The following DYNC1I2 variants were observed in gnomAD, a reference collection of about 807,000 sequenced individuals.
DYNC1I2 encodes dynein cytoplasmic 1 intermediate chain 2.
DYNC1I2 carries 53 observed loss-of-function variants against 88.6 expected under a neutral mutation model. The observed-to-expected ratio is 0.60, with a 90% CI of 0.48 to 0.75. DYNC1I2 has a LOEUF of 0.75. DYNC1I2 is among the 30% of genes least tolerant of loss of function. The probability of loss-of-function intolerance (pLI) is 0.00; values close to 1 mark genes in which losing one functional copy is unlikely to be tolerated. For missense variants in DYNC1I2, 458 were observed against 766.6 expected (o/e 0.60, Z 4.75); for synonymous variants, 198 against 254.6 (o/e 0.78, Z 2.12).
intron 15 of DYNC1I2, among the ~76,000 whole-genome samples, chr2:171,732,586 T>C (rs1688695192): frequency 6.6e-6 from 1 of 152,204 alleles, no homozygotes; most frequent in Non-Finnish European, 1.5e-5. Flanking sequence ...CTATAAATGA[T>C]GTTAAGTGAG....
intron 3 of DYNC1I2, among the ~76,000 whole-genome samples, chr2:171,700,241 C>T (rs1055738545): frequency 6.6e-6 from 1 of 152,104 alleles, no homozygotes; most frequent in Admixed American, 6.5e-5. Context: ...ACTTGAGTAT[C>T]CTGGTAGCAT....
chr2:171,714,252 C>T (rs983410106), intron 6 of DYNC1I2, among the ~76,000 whole-genome samples: 1 of 146,430 alleles, frequency 6.8e-6, no homozygotes, highest in Admixed American at 6.7e-5. Context: ...TGTTATGGCC[C>T]ACATTTTGGA....
chr2:171,726,344 T>C (rs1235731126), intron 10 of DYNC1I2, 51 bp downstream of exon 10: 11 of 1,224,060 alleles, frequency 9.0e-6, no homozygotes, highest in Non-Finnish European at 1.3e-5. Flanking sequence ...AAATTATAAT[T>C]AGCAGGTCAT....
chr2:171,700,967 T>C (rs1686212142), intron 3 of DYNC1I2, among the ~76,000 whole-genome samples: 1 of 152,156 alleles, frequency 6.6e-6, no homozygotes, highest in Non-Finnish European at 1.5e-5. Flanking sequence ...TAGGTGACTC[T>C]GATTTTTGAG....
chr2:171,719,035 T>G (rs1446953903), intron 7 of DYNC1I2, among the ~76,000 whole-genome samples: 1 of 152,188 alleles, frequency 6.6e-6, no homozygotes, highest in Non-Finnish European at 1.5e-5. Context: ...TAACCTATAG[T>G]AAGTAGTTTA....
intron 16 of DYNC1I2, among the ~76,000 whole-genome samples, chr2:171,744,462 C>A (rs1689654376): frequency 6.6e-6 from 1 of 152,188 alleles, no homozygotes; most frequent in Non-Finnish European, 1.5e-5. Context: ...AAGTCTCATT[C>A]ATAAGATAAC....
At chr2:171,717,519 C>T (rs1459214547) in intron 7 of DYNC1I2, among the ~76,000 whole-genome samples, 1 of 152,056 alleles carries the variant, frequency 6.6e-6, no homozygotes, top group Non-Finnish European at 1.5e-5. Flanking sequence ...GATGCAAGAT[C>T]CTCATCCTAA....
intron 17 of DYNC1I2, 102 bp downstream of exon 17, chr2:171,746,029 T>A: frequency 7.9e-7 from 1 of 1,271,488 alleles, no homozygotes; most frequent in South Asian, 1.5e-5. Context: ...ATGAGTTGTT[T>A]AAACTATATG....
chr2:171,725,597 TG>T lies in DYNC1I2; in HGVS notation c.512-20del, dbSNP rs376568967. The stretch of plus-strand genomic sequence containing the variant: ...CATTCTGTTTTTTTGTTTTTTTGTT[TG>T]TTTTTTTTTTTTTTTTCAGATGAAG... On this transcript the variant is annotated intron_variant, in intron 7 of 17. Transcript: ENST00000397119. 5.0e-5 allele frequency: 64 copies of T among 1,286,780 alleles called. No homozygotes were observed. The Middle Eastern group carries it at 8.2e-4, about 17-fold the overall frequency. The allele number at this position is 1,286,780 out of a possible 1,614,324, so 79.7% of individuals were successfully genotyped here. A position where few individuals can be genotyped will look rare whatever the true frequency, so the allele number is the denominator to read the frequency against.
At chr2:171,707,601 A>G (rs1686785216) in intron 5 of DYNC1I2, among the ~76,000 whole-genome samples, 1 of 152,184 alleles carries the variant, frequency 6.6e-6, no homozygotes, top group Non-Finnish European at 1.5e-5. Flanking sequence ...TTAGTACTAA[A>G]TAGTCAACCG....
rs200748022 is a variant in DYNC1I2, at chr2:171,729,329, TA to T, written c.1392-371del. Among the ~76,000 whole-genome samples, 3 of 151,738 alleles carry T rather than the reference TA, an allele frequency of 2.0e-5. No homozygotes were observed. The South Asian group carries it at 6.2e-4, about 32-fold the overall frequency. On this transcript the variant is annotated intron_variant, in intron 14 of 17. Coordinates refer to ENST00000397119, the MANE Select transcript of DYNC1I2 (RefSeq NM_001378.3). ...GTCTAGCTGTACCTTATTGCTTCCT[TA>T]AAAAAAAATTGAGTGTCCAGATTTC...
intron 15 of DYNC1I2, among the ~76,000 whole-genome samples, chr2:171,739,282 T>C (rs1241523668): frequency 1.3e-5 from 2 of 152,164 alleles, no homozygotes; most frequent in African/African-American, 4.8e-5. Context: ...TTTTGGCTAT[T>C]AAAATGATCA....
intron 16 of DYNC1I2, 58 bp downstream of exon 16, chr2:171,744,247 A>G: frequency 6.6e-7 from 1 of 1,515,204 alleles, no homozygotes; most frequent in South Asian, 1.3e-5. Flanking sequence ...TATTTATTGA[A>G]TAATTTGTGA....
chr2:171,706,828 A>G, intron 4 of DYNC1I2: 1 of 435,130 alleles, frequency 2.3e-6, no homozygotes, highest in Non-Finnish European at 4.0e-6. Context: ...TTAATATTTT[A>G]AAATAAATCT....
intron 3 of DYNC1I2, among the ~76,000 whole-genome samples, chr2:171,704,252 A>G (rs1199167277): frequency 6.6e-6 from 1 of 151,258 alleles, no homozygotes; most frequent in Non-Finnish European, 1.5e-5. Flanking sequence ...GGCTTTCTTG[A>G]TTGCCTTTTT....
Position 171,728,786 on chromosome 2 carries a change from G to A in DYNC1I2, c.1327G>A (p.Asp443Asn). The change falls in exon 14 of 18, where the codon GAT becomes AAT. Residue 443 changes from aspartate (D) to asparagine (N), a missense_variant. Physicochemically the swap from Asp to Asn is conservative, Grantham distance 23. This residue lies in a region of DYNC1I2 where 188 missense variants were observed against 300.4 expected (regional missense o/e 0.63). Coordinates refer to ENST00000397119, the MANE Select transcript of DYNC1I2 (RefSeq NM_001378.3). ...AVTSMSFPVG[D>N]VNNFVVGSEE... ...GACATCTATGTCCTTCCCTGTTGGA[G>A]ATGTCAACAACTTTGTTGTTGGGAG... The A allele has an allele frequency of 6.2e-7, 1 of 1,610,796 alleles. No homozygotes were observed. Among genetic ancestry groups the A allele is most frequent in the Non-Finnish European group, 8.5e-7 (1 of 1,178,430 alleles).
At chr2:171,739,696 CTTTTTTTT>C (rs201750115) in intron 15 of DYNC1I2, among the ~76,000 whole-genome samples, 8 of 65,040 alleles carry the variant, frequency 1.2e-4, no homozygotes, top group South Asian at 8.9e-4. Flanking sequence ...TGACATATCT[CTTTTTTTT>C]TTTTTTTTTT....
chr2:171,717,141 CTTTTT>C (rs71013068), intron 7 of DYNC1I2, among the ~76,000 whole-genome samples: 4 of 102,292 alleles, frequency 3.9e-5, no homozygotes, highest in Non-Finnish European at 4.3e-5. Flanking sequence ...CAAGTATTTT[CTTTTT>C]TTTTTTTTTT....
At chr2:171,713,259 T>A (rs1345533530) in intron 6 of DYNC1I2, among the ~76,000 whole-genome samples, 1 of 151,918 alleles carries the variant, frequency 6.6e-6, no homozygotes, top group Non-Finnish European at 1.5e-5. Context: ...CATTACTATT[T>A]ATTCATGAAT....
Sources: gnomAD v4.1 joint callset for allele counts (sites outside exome capture counted in the v4.1 genomes callset) on GRCh38, gnomAD v4.1.1 for gene constraint, gnomAD v4.1.1 regional missense constraint, MANE v1.5 for transcripts, NCBI Gene and HGNC (gene_info 2026-07-23, HGNC 2026-07-21) for gene names.